MPDZ: variants seen among roughly 807,000 people sequenced by gnomAD.
MPDZ encodes the protein multiple PDZ domain crumbs cell polarity complex component.
MPDZ carries 234 observed loss-of-function variants against 239.1 expected under a neutral mutation model. The observed-to-expected ratio is 0.98, with a 90% CI of 0.88 to 1.09. The LOEUF (loss-of-function observed/expected upper bound fraction) is 1.09. Among genes scored for constraint, MPDZ ranks in the 50% least tolerant of loss-of-function variants. The pLI is 0.00. For synonymous variants in MPDZ, 1,048 were observed against 881.3 expected, an observed-to-expected ratio of 1.19 and a Z score of -3.35; for missense variants, 3,175 against 2,510.0, an observed-to-expected ratio of 1.26 and a Z score of -5.66.
intron 3 of MPDZ, among the ~76,000 whole-genome samples, chr9:13,225,543 T>C (rs985123142): frequency 6.6e-6 from 1 of 152,056 alleles, no homozygotes; most frequent in Non-Finnish European, 1.5e-5. Context: ...CCATTCATGG[T>C]ACGTGTCTCC....
intron 1 of MPDZ, among the ~76,000 whole-genome samples, chr9:13,272,996 A>G (rs984765371): frequency 1.3e-5 from 2 of 152,156 alleles, no homozygotes; most frequent in Non-Finnish European, 2.9e-5. Context: ...ATTAGATCAC[A>G]AGGGCAGAGT....
chr9:13,137,917 T>C lies in MPDZ; in HGVS notation c.4200+40A>G, dbSNP rs925207596. The C allele has an allele frequency of 2.5e-6, 4 of 1,596,418 alleles. No individual in the cohort carries two copies. In the African/African-American group the frequency reaches 4.0e-5, roughly 16 times the overall value. The stretch of plus-strand genomic sequence containing the variant: ...GAAACTGACAGTTCCATTACCCTTA[T>C]AAAACAAGAATAAATTCAAAATTTT... On this transcript the variant is annotated intron_variant, in intron 29 of 46. Coordinates refer to ENST00000319217, the MANE Select transcript of MPDZ (RefSeq NM_001378778.1).
chr9:13,139,956 C>CT (rs1374088847), intron 28 of MPDZ, 31 bp downstream of exon 28: 11 of 1,612,784 alleles, frequency 6.8e-6, no homozygotes, highest in Non-Finnish European at 9.3e-6. Flanking sequence ...ATACCTCTTA[C>CT]AATTAAATGC....
In MPDZ at chr9:13,122,072, A is replaced by T; in HGVS notation, c.5037+15T>A. 6.2e-7 allele frequency: 1 copy of T among 1,613,322 alleles called. No individual in the cohort carries two copies. The highest frequency in any genetic ancestry group is 8.5e-7 in the Non-Finnish European group (1 of 1,179,356). ...TCTCTGTTAATTTTGAAGGTCAAAA[A>T]CAGGCATTCTATACCTCTAAGATCT... is the stretch of plus-strand genomic sequence containing the variant. On this transcript the variant is annotated intron_variant, in intron 37 of 46. Coordinates refer to ENST00000319217, the MANE Select transcript of MPDZ (RefSeq NM_001378778.1).
At position 13,206,086 on chromosome 9, in the gene MPDZ, T is replaced by A; in HGVS notation, c.1304A>T (p.Asn435Ile). Reference protein sequence around the residue: ...GDQIIAVDGTNLQGFTNQQAV... With the variant: ...GDQIIAVDGTILQGFTNQQAV... ...TTGCTGATTAGTAAAACCCTGAAGG[T>A]TTGTGCCATCTACCTGTGATTAAAA... The change falls in exon 11 of 47, where the codon AAC becomes ATC. Residue 435 changes from asparagine to isoleucine, a missense_variant. By Grantham distance (149) the Asn-to-Ile change is moderately radical (BLOSUM62 -3). Transcript: ENST00000319217. 1 of 1,605,940 alleles carries A rather than the reference T, an allele frequency of 6.2e-7. No homozygotes were observed. Among genetic ancestry groups the A allele is most frequent in the East Asian group, 2.2e-5 (1 of 44,546 alleles).
intron 31 of MPDZ, chr9:13,135,721 C>A (rs764496430): frequency 6.3e-6 from 1 of 157,840 alleles, no homozygotes; most frequent in Admixed American, 6.4e-5. Flanking sequence ...CTGCATTGGC[C>A]AAAGTCTCCA....
chr9:13,133,293 C>G (rs929820949), intron 32 of MPDZ, among the ~76,000 whole-genome samples: 2 of 152,086 alleles, frequency 1.3e-5, no homozygotes, highest in African/African-American at 4.8e-5. Flanking sequence ...GGTAAAAAGA[C>G]TTTAATAACT....
intron 1 of MPDZ, among the ~76,000 whole-genome samples, chr9:13,251,296 C>T (rs1252398784): frequency 2.0e-5 from 3 of 152,088 alleles, no homozygotes; most frequent in Non-Finnish European, 4.4e-5. Flanking sequence ...AAATACTCTC[C>T]TGACTATAAT....
At position 13,250,234 on chromosome 9, in the gene MPDZ, T is replaced by G; in HGVS notation, c.16+66A>C. 3.4e-6 allele frequency: 5 copies of G among 1,466,712 alleles called. No individual in the cohort carries two copies. The South Asian group carries it at 6.1e-5, about 18-fold the overall frequency. The allele number at this position is 1,466,712 out of a possible 1,614,324, so 90.9% of individuals were successfully genotyped here. ...ATCCTGCTATGTTAAACACAACATA[T>G]GTCAAAAATCCCAATGGGAGGAGTT... On this transcript the variant is annotated intron_variant, in intron 2 of 46. Transcript: ENST00000319217.
chr9:13,162,380 C>A (rs1014696100), intron 23 of MPDZ, among the ~76,000 whole-genome samples: 2 of 151,820 alleles, frequency 1.3e-5, no homozygotes, highest in Non-Finnish European at 2.9e-5. Flanking sequence ...CAATTTCTTA[C>A]GTTCTAAGAA....
At chr9:13,140,217 A>T in intron 27 of MPDZ, 68 bp from the exon 28 acceptor site, 1 of 1,502,524 alleles carries the variant, frequency 6.7e-7, no homozygotes, top group East Asian at 2.3e-5. Context: ...AAGAAGAAAT[A>T]AGAGTATACT....
chr9:13,138,266 T>C, intron 28 of MPDZ, 113 bp from the exon 29 acceptor site: 1 of 1,185,468 alleles, frequency 8.4e-7, no homozygotes, highest in Non-Finnish European at 1.1e-6. Context: ...TACCAAAATG[T>C]ACGCTTTGAC....
chr9:13,240,352 G>T (rs2137282067), intron 3 of MPDZ, among the ~76,000 whole-genome samples: 1 of 151,840 alleles, frequency 6.6e-6, no homozygotes, highest in East Asian at 1.9e-4. Context: ...TAGCAAAATT[G>T]TTAATATAAC....
At chr9:13,131,717 G>A (rs1175026108) in intron 32 of MPDZ, among the ~76,000 whole-genome samples, 2 of 152,122 alleles carry the variant, frequency 1.3e-5, no homozygotes, top group African/African-American at 4.8e-5. Context: ...GTGGATGCTG[G>A]GATCCACTGT....
intron 5 of MPDZ, among the ~76,000 whole-genome samples, chr9:13,223,090 T>A (rs1250181093): frequency 6.6e-6 from 1 of 152,082 alleles, no homozygotes; most frequent in Non-Finnish European, 1.5e-5. Flanking sequence ...TGGGAGAATG[T>A]GCACAGGCTA....
chr9:13,154,255 A>C (rs971287020), intron 24 of MPDZ, among the ~76,000 whole-genome samples: 1 of 152,316 alleles, frequency 6.6e-6, no homozygotes, highest in Admixed American at 6.5e-5. Context: ...TGAACAGACA[A>C]TAGAAACACA....
chr9:13,151,934 T>C (rs912070337), intron 24 of MPDZ, among the ~76,000 whole-genome samples: 2 of 152,136 alleles, frequency 1.3e-5, no homozygotes, highest in Admixed American at 6.6e-5. Flanking sequence ...TTATGTGTCT[T>C]ATAGAATCTG....
chr9:13,193,215 ACCC>A lies in MPDZ; in HGVS notation c.1752_1754del (p.Glu584_Gly585delinsAsp). 3.1e-6 allele frequency: 5 copies of A among 1,608,522 alleles called. No homozygotes were observed. The highest frequency in any genetic ancestry group is 3.4e-6 in the Non-Finnish European group (4 of 1,176,514). ...AGAGCTTCCCGCTGTGTCCAACAGGACCCTCTGGTAGAACAGATCGGATAAAAT... is the reference window on the plus strand; with the variant it reads ...AGAGCTTCCCGCTGTGTCCAACAGGATCTGGTAGAACAGATCGGATAAAAT... On this transcript the variant is annotated inframe_deletion, in exon 14 of 47. Transcript: ENST00000319217.
At chr9:13,174,903 G>C (rs900726980) in intron 21 of MPDZ, among the ~76,000 whole-genome samples, 1 of 152,180 alleles carries the variant, frequency 6.6e-6, no homozygotes, top group African/African-American at 2.4e-5. Context: ...CACTCATCAA[G>C]TAAGCACTGC....
Sources: gnomAD v4.1 joint callset for allele counts (sites outside exome capture counted in the v4.1 genomes callset) on GRCh38, gnomAD v4.1.1 for gene constraint, MANE v1.5 for transcripts, NCBI Gene and HGNC (gene_info 2026-07-23, HGNC 2026-07-21) for gene names.